PGD: variants seen among roughly 807,000 people sequenced by gnomAD.
PGD encodes 6-phosphogluconate dehydrogenase, decarboxylating.
PGD carries 21 observed loss-of-function variants against 60.4 expected under a neutral mutation model. That is an observed-to-expected ratio of 0.35 (90% CI 0.25 to 0.50). The LOEUF (loss-of-function observed/expected upper bound fraction) is 0.50, where lower values mean the gene tolerates loss of function less well. Ranked by LOEUF, PGD falls within the 20% of genes least tolerant of loss-of-function variation. The pLI is 0.98. For synonymous variants in PGD, 230 were observed against 235.9 expected (o/e 0.97, Z 0.23); for missense variants, 477 against 613.1 (o/e 0.78, Z 2.34).
chr1:10,412,392 G>A (rs1639514418), intron 7 of PGD, among the ~76,000 whole-genome samples: 3 of 152,158 alleles, frequency 2.0e-5, no homozygotes, highest in Admixed American at 6.6e-5. Flanking sequence ...TAGCTTTCCA[G>A]ATTTTTTGTT....
chr1:10,408,986 C>T (rs1639453092), intron 6 of PGD, among the ~76,000 whole-genome samples: 1 of 152,168 alleles, frequency 6.6e-6, no homozygotes, highest in Admixed American at 6.6e-5. Context: ...GCATTAGGCT[C>T]AGGAGACCTG....
intron 4 of PGD, 30 bp downstream of exon 4, chr1:10,403,166 G>A: frequency 6.7e-7 from 1 of 1,491,980 alleles, no homozygotes; most frequent in Non-Finnish European, 9.4e-7. Flanking sequence ...GATTCTTCCA[G>A]GTTCCGAGAA....
chr1:10,406,872 A>T (rs1383899398), intron 5 of PGD, among the ~76,000 whole-genome samples: 1 of 152,362 alleles, frequency 6.6e-6, no homozygotes, highest in East Asian at 1.9e-4. Context: ...GGCAGCACAC[A>T]TCCAGACAAA....
chr1:10,399,438 A>G (rs943633085), intron 1 of PGD, 191 bp from the exon 2 acceptor site: 25 of 469,250 alleles, frequency 5.3e-5, no homozygotes, highest in Non-Finnish European at 8.9e-5. Flanking sequence ...GCCGGGCGCG[A>G]GGGCGGGGCT....
Position 10,417,109 on chromosome 1 carries a change from A to G in PGD, c.967A>G (p.Ile323Val). 1 of 1,613,926 alleles carries G rather than the reference A, an allele frequency of 6.2e-7. No homozygotes were observed. The highest frequency in any genetic ancestry group is 8.5e-7 in the Non-Finnish European group (1 of 1,179,844). The change falls in exon 9 of 13, where the codon ATT becomes GTT. Residue 323 changes from isoleucine (I) to valine (V), a missense_variant. Transcript: ENST00000270776. ...TGATAAGAAATCATTCCTGGAGGAC[A>G]TTCGGAAGGTGGGACACAGTCCCTG... ...DGDKKSFLEDIRKALYASKII... is the reference protein window; with the variant it reads ...DGDKKSFLEDVRKALYASKII...
chr1:10,400,512 C>T lies in PGD; in HGVS notation c.204C>T (p.Pro68=). The T allele has an allele frequency of 3.1e-6, 5 of 1,614,072 alleles. No individual in the cohort carries two copies. Among genetic ancestry groups the T allele is most frequent in the Non-Finnish European group, 4.2e-6 (5 of 1,180,010 alleles). Residue 68 remains proline (P), a synonymous_variant, in exon 3 of 13, where the codon CCC becomes CCT. Transcript: ENST00000270776. ...LKEMVSKLKK[P]RRIILLVKAG... ...AGATGGTCTCCAAGCTGAAGAAGCCCCGGCGGATCATCCTCCTGGTGAAGG... is the reference window on the plus strand; with the variant it reads ...AGATGGTCTCCAAGCTGAAGAAGCCTCGGCGGATCATCCTCCTGGTGAAGG...
At chr1:10,415,282 G>C (rs1639576500) in intron 8 of PGD, 1 of 152,206 alleles carries the variant, frequency 6.6e-6, no homozygotes, top group South Asian at 2.1e-4. Flanking sequence ...ACAGTTCCGT[G>C]CTGTATAGAA....
rs148774415 is a variant in PGD at position 10,402,965 on chromosome 1, G to A, written c.265-106G>A. ...TGCATTCCAAGCTGGGCAACAGAAC[G>A]AGACTCTTTTTAGACTATGTTTATT... On this transcript the variant is annotated intron_variant, in intron 3 of 12. Transcript: ENST00000270776. 4.8e-5 allele frequency: 39 copies of A among 818,774 alleles called. No homozygotes were observed. In the East Asian group the frequency reaches 8.2e-4, roughly 17 times the overall value. The allele number at this position is 818,774 out of a possible 1,614,324, so 50.7% of individuals were successfully genotyped here.
chr1:10,414,384 T>C (rs1189047042), intron 8 of PGD, among the ~76,000 whole-genome samples: 1 of 152,060 alleles, frequency 6.6e-6, no homozygotes, highest in Non-Finnish European at 1.5e-5. Flanking sequence ...GTGTGTTTGT[T>C]TGTTTTTTGA....
chr1:10,399,185 G>GT (rs1639265274), intron 1 of PGD, 60 bp downstream of exon 1: 35 of 1,584,104 alleles, frequency 2.2e-5, no homozygotes, highest in African/African-American at 4.0e-5. Context: ...CTCTTTGGGG[G>GT]TCGAGATCTC....
In PGD at chr1:10,407,522, G is replaced by A. The variant is rs146486561; in HGVS notation, c.450-549G>A. Reference sequence around the variant, plus strand: ...TTCTGTCTGTAGTCTCAGTCCGATAGTCCAGTCTGCTTTGAGGGCCCACCA... The same window carrying A: ...TTCTGTCTGTAGTCTCAGTCCGATAATCCAGTCTGCTTTGAGGGCCCACCA... On this transcript the variant is annotated intron_variant, in intron 5 of 12. Transcript: ENST00000270776. Among the ~76,000 whole-genome samples, 9 of 152,266 alleles carry A rather than the reference G, an allele frequency of 5.9e-5. No homozygotes were observed. The East Asian group carries it at 1.7e-3, about 29-fold the overall frequency.
rs976174839 is a variant in PGD at position 10,420,355 on chromosome 1, A to G, written c.*606A>G. ...CTTTCTCCAATTGGGCAATGGGTAC[A>G]TGGACGTTCACTGTAACGTGCTTTT... On this transcript the variant is annotated 3_prime_UTR_variant, in exon 13 of 13. Transcript: ENST00000270776. 1.4e-5 allele frequency among the ~76,000 whole-genome samples: 2 copies of G among 147,072 alleles called. No individual in the cohort carries two copies. Among genetic ancestry groups the G allele is most frequent in the African/African-American group, 5.0e-5 (2 of 39,846 alleles).
At position 10,399,724 on chromosome 1, in the gene PGD, T is replaced by A; in HGVS notation, c.84+20T>A. On this transcript the variant is annotated intron_variant, in intron 2 of 12. Transcript: ENST00000270776. ...TTTGTGGTAAGCGGCGTGGGCGCGT[T>A]GTCTTCTCTCTGGTTCCCGGGCGCT... 6.2e-7 allele frequency: 1 copy of A among 1,609,998 alleles called. No individual in the cohort carries two copies. The highest frequency in any genetic ancestry group is 8.5e-7 in the Non-Finnish European group (1 of 1,176,422).
At chr1:10,408,878 T>C (rs1639450811) in intron 6 of PGD, among the ~76,000 whole-genome samples, 2 of 152,228 alleles carry the variant, frequency 1.3e-5, no homozygotes, top group African/African-American at 2.4e-5. Flanking sequence ...CACAAAGTGC[T>C]GAGGTTACAG....
intron 5 of PGD, among the ~76,000 whole-genome samples, chr1:10,405,328 G>A (rs1185805114): frequency 6.0e-5 from 9 of 151,144 alleles, no homozygotes; most frequent in African/African-American, 1.9e-4. Flanking sequence ...CCGAGATCGC[G>A]CCACTGCACT....
intron 6 of PGD, among the ~76,000 whole-genome samples, chr1:10,409,306 C>A (rs1053387262): frequency 6.6e-6 from 1 of 152,174 alleles, no homozygotes; most frequent in African/African-American, 2.4e-5. Context: ...CTTGTCCTTA[C>A]CTTTTCACCA....
At position 10,416,847 on chromosome 1, in the gene PGD, C is replaced by A. The variant is rs922383083; in HGVS notation, c.845-140C>A. The stretch of plus-strand genomic sequence containing the variant: ...GTCATCAGTAAAGGCAGGAACCAGC[C>A]ATTTTCACTTCTTTTGTGATTCTTC... On this transcript the variant is annotated intron_variant, in intron 8 of 12. Transcript: ENST00000270776. 13 of 653,918 alleles carry A rather than the reference C, an allele frequency of 2.0e-5. No individual in the cohort carries two copies. In the Admixed American group the frequency reaches 3.4e-4, roughly 17 times the overall value. 40.5% of individuals were successfully genotyped at this position (653,918 alleles called of 1,614,324 possible).
intron 8 of PGD, among the ~76,000 whole-genome samples, chr1:10,415,887 A>T (rs1287080227): frequency 6.6e-6 from 1 of 152,214 alleles, no homozygotes; most frequent in Non-Finnish European, 1.5e-5. Flanking sequence ...TTTTAATTCA[A>T]ATGAAGTAAA....
intron 5 of PGD, among the ~76,000 whole-genome samples, chr1:10,404,702 G>A (rs1639371368): frequency 1.3e-5 from 2 of 152,064 alleles, no homozygotes; most frequent in African/African-American, 4.8e-5. Context: ...GTTTCACCAT[G>A]TTACCTTGGG....
Sources: allele counts gnomAD v4.1 joint callset (sites outside exome capture counted in the v4.1 genomes callset), GRCh38; gene constraint gnomAD v4.1.1; transcripts MANE v1.5; gene names NCBI Gene and HGNC (gene_info 2026-07-23, HGNC 2026-07-21).